Variants in MRPL38 observed in about 807,000 individuals in gnomAD.
MRPL38 encodes large ribosomal subunit protein mL38.
Under a neutral mutation model 52.1 loss-of-function variants are expected in MRPL38, and 51 were observed. That is an observed-to-expected ratio of 0.98 (90% CI 0.78 to 1.24). The LOEUF (loss-of-function observed/expected upper bound fraction) is 1.24. Ranked by LOEUF, MRPL38 falls within the 50% of genes most tolerant of loss-of-function variation. The pLI is 0.00. For synonymous variants in MRPL38, 245 were observed against 212.7 expected, an observed-to-expected ratio of 1.15 and a Z score of -1.32; for missense variants, 527 against 518.6, an observed-to-expected ratio of 1.02 and a Z score of -0.16.
At chr17:75,900,822 C>T (rs1037924384) in intron 6 of MRPL38, 160 bp downstream of exon 6, 7 of 1,434,534 alleles carry the variant, frequency 4.9e-6, no homozygotes, top group Admixed American at 2.9e-5. Context: ...CAAGTAGACA[C>T]GTGGATCCCA....
chr17:75,904,860 A>G lies in MRPL38; in HGVS notation c.16T>C (p.Trp6Arg), dbSNP rs566150682. The change falls in exon 1 of 9, where the codon TGG (tryptophan) becomes CGG (arginine). Residue 6 changes from tryptophan (W) to arginine (R), a missense_variant. Trp to Arg is a moderately radical substitution (Grantham distance 101, BLOSUM62 -3). Coordinates refer to ENST00000309352, the MANE Select transcript of MRPL38 (RefSeq NM_032478.4). MAAPW[W>R]RAALCECRRW... ...CGACACTCGCACAGCGCGGCTCGCC[A>G]CCAGGGCGCCGCCATCTTCCCTCCG... is the stretch of plus-strand genomic sequence containing the variant. The G allele has an allele frequency of 4.9e-3, 7,235 of 1,473,338 alleles. 65 individuals are homozygous for G. The highest frequency in any genetic ancestry group is 4.3e-3 in the Non-Finnish European group (4,788 of 1,116,284). The allele number at this position is 1,473,338 out of a possible 1,614,324, so 91.3% of individuals were successfully genotyped here.
At chr17:75,904,357 G>A (rs779859489) in intron 2 of MRPL38, 183 bp downstream of exon 2, 3 of 732,948 alleles carry the variant, frequency 4.1e-6, no homozygotes, top group South Asian at 1.5e-5. Flanking sequence ...AGGTGCAGAA[G>A]GTGTGAAAAA....
intron 2 of MRPL38, chr17:75,904,093 T>G (rs1469682909): frequency 1.9e-5 from 7 of 367,324 alleles, no homozygotes; most frequent in Non-Finnish European, 3.3e-5. Context: ...GTATTGCACA[T>G]GTACATCCTT....
At chr17:75,904,324 G>C (rs779248456) in intron 2 of MRPL38, 1 of 710,466 alleles carries the variant, frequency 1.4e-6, no homozygotes. Context: ...CTAATAGTAG[G>C]GGGAGCGAAT....
At chr17:75,903,375 C>CA (rs1340052328) in intron 2 of MRPL38, among the ~76,000 whole-genome samples, 1 of 152,184 alleles carries the variant, frequency 6.6e-6, no homozygotes, top group African/African-American at 2.4e-5. Flanking sequence ...CACTGCACTC[C>CA]AGCCTGGGCA....
At chr17:75,903,341 A>C (rs1207595472) in intron 2 of MRPL38, among the ~76,000 whole-genome samples, 1 of 152,208 alleles carries the variant, frequency 6.6e-6, no homozygotes, top group Non-Finnish European at 1.5e-5. Flanking sequence ...CCCAGGAGGC[A>C]GAGGTTGCAG....
chr17:75,904,008 G>A (rs564686773), intron 2 of MRPL38, among the ~76,000 whole-genome samples: 30 of 152,304 alleles, frequency 2.0e-4, no homozygotes, highest in Admixed American at 3.9e-4. Flanking sequence ...GATTACAGGC[G>A]TGAGCCACCG....
Position 75,902,153 on chromosome 17 carries a change from A to C in MRPL38, c.249T>G (p.Asp83Glu). 2 of 1,556,160 alleles carry C rather than the reference A, an allele frequency of 1.3e-6. No individual in the cohort carries two copies. The highest frequency in any genetic ancestry group is 2.7e-5 in the African/African-American group (2 of 73,342). The change falls in exon 3 of 9, where the codon GAT (aspartate) becomes GAG (glutamate). Residue 83 changes from aspartate (D) to glutamate (E), a missense_variant and splice_region_variant. By Grantham distance (45) the Asp-to-Glu change is conservative (BLOSUM62 2). Coordinates refer to ENST00000309352, the MANE Select transcript of MRPL38 (RefSeq NM_032478.4). ...TYREYFGEKT[D>E]PKEKIDIGLP... ...GCCCAATATCAATCTTCTCTTTGGGATCTGGAGTGGGAAGATGTGTGGGAA... is the reference window on the plus strand; with the variant it reads ...GCCCAATATCAATCTTCTCTTTGGGCTCTGGAGTGGGAAGATGTGTGGGAA...
chr17:75,903,385 AAC>A (rs929109833), intron 2 of MRPL38, among the ~76,000 whole-genome samples: 15 of 152,206 alleles, frequency 9.9e-5, no homozygotes, highest in African/African-American at 3.6e-4. Context: ...CAGCCTGGGC[AAC>A]AGAGCGAGCC....
chr17:75,899,040 C>A, intron 8 of MRPL38, 54 bp from the exon 9 acceptor site: 1 of 1,541,764 alleles, frequency 6.5e-7, no homozygotes, highest in South Asian at 1.2e-5. Flanking sequence ...CCCCCTCAGG[C>A]TGAGGCCTGC....
In MRPL38 at chr17:75,899,662, C is replaced by T. The variant is rs148417989; in HGVS notation, c.723G>A (p.Pro241=). Residue 241 remains proline (P), a synonymous_variant, in exon 7 of 9, where the codon CCG becomes CCA. Transcript: ENST00000309352. ...CCTGTCCTTCAGCCACCCGGTTACC[C>T]GGGATGTTGGTTCTGGGAGGAGGAA... ...EYLHWLLTNI[P]GNRVAEGQVT... 1,715 of 1,574,918 alleles carry T rather than the reference C, an allele frequency of 1.1e-3. 5 individuals are homozygous for T. Among genetic ancestry groups the T allele is most frequent in the South Asian group, 2.5e-3 (213 of 85,548 alleles).
chr17:75,899,556 G>T lies in MRPL38; in HGVS notation c.829C>A (p.Gln277Lys), dbSNP rs2065394403. 6.2e-7 allele frequency: 1 copy of T among 1,605,010 alleles called. No individual in the cohort carries two copies. Among genetic ancestry groups the T allele is most frequent in the African/African-American group, 1.3e-5 (1 of 74,734 alleles). The change falls in exon 7 of 9, where the codon CAG (glutamine) becomes AAG (lysine). Residue 277 changes from glutamine to lysine, a missense_variant. Physicochemically the swap from Gln to Lys is moderately conservative, Grantham distance 53. Transcript: ENST00000309352. ...RLAFLLFKQDQPIDFSEDARP... is the reference protein window; with the variant it reads ...RLAFLLFKQDKPIDFSEDARP... The stretch of plus-strand genomic sequence containing the variant: ...GCGTCCTCAGAGAAGTCAATCGGCT[G>T]GTCCTGCTTGAAGAGCAGGAAGGCA...
chr17:75,901,872 C>T lies in MRPL38; in HGVS notation c.431G>A (p.Gly144Asp). The change falls in exon 4 of 9, where the codon GGC (glycine) becomes GAC (aspartate). Residue 144 changes from glycine (G) to aspartate (D), a missense_variant. Gly to Asp is a moderately conservative substitution (Grantham distance 94, BLOSUM62 -1). Transcript: ENST00000309352. The surrounding 1 kb of genome is among the most constrained non-coding windows in gnomAD (Gnocchi z 5.7). ...AGCCAGACGCTGCTTGTGGTAGGGGCCACAGGTCCTCTCCCACTCGGCCCG... is the reference window on the plus strand; with the variant it reads ...AGCCAGACGCTGCTTGTGGTAGGGGTCACAGGTCCTCTCCCACTCGGCCCG... The part of the protein sequence containing the change: ...AVRAEWERTC[G>D]PYHKQRLAEY... 1.9e-6 allele frequency: 3 copies of T among 1,612,876 alleles called. No individual in the cohort carries two copies. The highest frequency in any genetic ancestry group is 2.5e-6 in the Non-Finnish European group (3 of 1,179,762).
chr17:75,904,262 G>A, intron 2 of MRPL38: 1 of 612,944 alleles, frequency 1.6e-6, no homozygotes, highest in Non-Finnish European at 3.1e-6. Flanking sequence ...ATCCCAATCC[G>A]GAAAGTCAGG....
At position 75,904,851 on chromosome 17, in the gene MRPL38, C is replaced by T; in HGVS notation, c.25G>A (p.Ala9Thr). The T allele has an allele frequency of 1.3e-6, 2 of 1,526,696 alleles. No homozygotes were observed. Among genetic ancestry groups the T allele is most frequent in the African/African-American group, 1.4e-5 (1 of 70,606 alleles). 94.6% of individuals were successfully genotyped at this position (1,526,696 alleles called of 1,614,324 possible). A position where few individuals can be genotyped will look rare whatever the true frequency, so the allele number is the denominator to read the frequency against. The part of the protein sequence containing the change: MAAPWWRA[A>T]LCECRRWRGF... Reference sequence around the variant, plus strand: ...CGCCATCTCCGACACTCGCACAGCGCGGCTCGCCACCAGGGCGCCGCCATC... The same window carrying T: ...CGCCATCTCCGACACTCGCACAGCGTGGCTCGCCACCAGGGCGCCGCCATC... Residue 9 changes from alanine (A) to threonine (T), a missense_variant, in exon 1 of 9, where the codon GCG (alanine) becomes ACG (threonine). Coordinates refer to ENST00000309352, the MANE Select transcript of MRPL38 (RefSeq NM_032478.4).
rs767075035 is a variant in MRPL38, at chr17:75,899,542, G to C, written c.843C>G (p.Phe281Leu). The C allele has an allele frequency of 6.2e-7, 1 of 1,601,080 alleles. No individual in the cohort carries two copies. Among genetic ancestry groups the C allele is most frequent in the Non-Finnish European group, 8.5e-7 (1 of 1,171,378 alleles). The change falls in exon 7 of 9, where the codon TTC becomes TTG. Residue 281 changes from phenylalanine (F) to leucine (L), a missense_variant. Coordinates refer to ENST00000309352, the MANE Select transcript of MRPL38 (RefSeq NM_032478.4). Reference sequence around the variant, plus strand: ...AGGGTGAGGGGCGTGCGTCCTCAGAGAAGTCAATCGGCTGGTCCTGCTTGA... The same window carrying C: ...AGGGTGAGGGGCGTGCGTCCTCAGACAAGTCAATCGGCTGGTCCTGCTTGA... ...LLFKQDQPID[F>L]SEDARPSPCY...
chr17:75,899,762 A>G, intron 6 of MRPL38, 88 bp from the exon 7 acceptor site: 1 of 1,189,512 alleles, frequency 8.4e-7, no homozygotes, highest in Non-Finnish European at 1.1e-6. Flanking sequence ...AGAGGCTGAC[A>G]TGACTCCCTG....
chr17:75,899,688 A>G lies in MRPL38; in HGVS notation c.711-14T>C. 1.3e-6 allele frequency: 2 copies of G among 1,545,204 alleles called. No individual in the cohort carries two copies. The highest frequency in any genetic ancestry group is 1.2e-5 in the South Asian group (1 of 80,512). ...GGGATGTTGGTTCTGGGAGGAGGAA[A>G]GTCCCGGTTAATTACCACTCCAGGG... On this transcript the variant is annotated splice_polypyrimidine_tract_variant and intron_variant, in intron 6 of 8. Transcript: ENST00000309352.
Position 75,901,777 on chromosome 17 carries a change from C to T in MRPL38, c.526G>A (p.Ala176Thr). 1.2e-6 allele frequency: 2 copies of T among 1,613,754 alleles called. No homozygotes were observed. Among genetic ancestry groups the T allele is most frequent in the Non-Finnish European group, 1.7e-6 (2 of 1,179,870 alleles). Reference sequence around the variant, plus strand: ...AGGTCATCCTCACCCACAGCGTAGGCCACGTGCAGGGGGACTCGGGGCACA... The same window carrying T: ...AGGTCATCCTCACCCACAGCGTAGGTCACGTGCAGGGGGACTCGGGGCACA... ...TFVPRVPLHV[A>T]YAVGEDDLMP... The change falls in exon 4 of 9, where the codon GCC (alanine) becomes ACC (threonine). Residue 176 changes from alanine (A) to threonine (T), a missense_variant. Physicochemically the swap from Ala to Thr is moderately conservative, Grantham distance 58. Coordinates refer to ENST00000309352, the MANE Select transcript of MRPL38 (RefSeq NM_032478.4). The surrounding 1 kb of genome is among the most constrained non-coding windows in gnomAD (Gnocchi z 5.7).
Sources: gnomAD v4.1 joint callset for allele counts (sites outside exome capture counted in the v4.1 genomes callset) on GRCh38, gnomAD v4.1.1 for gene constraint, Gnocchi (gnomAD v3.1) non-coding constraint, MANE v1.5 for transcripts, NCBI Gene and HGNC (gene_info 2026-07-23, HGNC 2026-07-21) for gene names.